The following BCCIP variants were observed in gnomAD, a reference collection of about 807,000 sequenced individuals.
BCCIP encodes the protein BRCA2 and CDKN1A-interacting protein.
In BCCIP, 23 loss-of-function variants were observed where a neutral mutation model predicts 32.8. The ratio of observed to expected loss-of-function variants is 0.70; its 90% CI spans 0.51 to 0.99. The LOEUF (loss-of-function observed/expected upper bound fraction) is 0.99, where lower values mean the gene tolerates loss of function less well. Ranked by LOEUF, BCCIP falls within the 50% of genes least tolerant of loss-of-function variation. The pLI is 0.00. For missense variants in BCCIP, 378 were observed against 379.8 expected (o/e 1.00, Z 0.04); for synonymous variants, 144 against 137.6 (o/e 1.05, Z -0.33).
chr10:125,828,965 T>C (rs1242029089), intron 3 of BCCIP, among the ~76,000 whole-genome samples: 2 of 152,204 alleles, frequency 1.3e-5, no homozygotes, highest in African/African-American at 2.4e-5. Context: ...TCGTCACACA[T>C]TGGTTTGCTT....
chr10:125,832,184 T>C (rs1214770201), intron 5 of BCCIP, among the ~76,000 whole-genome samples: 1 of 152,100 alleles, frequency 6.6e-6, no homozygotes, highest in East Asian at 1.9e-4. Flanking sequence ...GATTCTCTTA[T>C]TTATTTCTAT....
chr10:125,848,029 T>A (rs1944046672), intron 7 of BCCIP, among the ~76,000 whole-genome samples: 1 of 152,188 alleles, frequency 6.6e-6, no homozygotes. Context: ...CATTAATGTA[T>A]ATACACATTT....
intron 1 of BCCIP, 98 bp from the exon 2 acceptor site, chr10:125,826,493 T>C: frequency 2.6e-6 from 4 of 1,542,672 alleles, no homozygotes; most frequent in Non-Finnish European, 3.5e-6. Context: ...AGGTGCTTTG[T>C]ATTCTTCACA....
chr10:125,828,833 G>A (rs1854462861), intron 3 of BCCIP, among the ~76,000 whole-genome samples: 1 of 152,172 alleles, frequency 6.6e-6, no homozygotes, highest in South Asian at 2.1e-4. Context: ...GGCTTGACTA[G>A]GGGCTGGAGG....
At chr10:125,835,376 C>CG (rs1428646834) in intron 6 of BCCIP, among the ~76,000 whole-genome samples, 23 of 151,952 alleles carry the variant, frequency 1.5e-4, no homozygotes, top group Non-Finnish European at 2.8e-4. Context: ...GTCAGGAGAT[C>CG]AGACCATCCT....
downstream of BCCIP, chr10:125,839,267 C>T (rs907197323): frequency 1.2e-5 from 17 of 1,450,536 alleles, no homozygotes; most frequent in African/African-American, 1.4e-4. Context: ...CAGTTGCCAT[C>T]TTTAAGCCCT....
intron 5 of BCCIP, among the ~76,000 whole-genome samples, chr10:125,832,387 G>A (rs752447163): frequency 1.5e-4 from 23 of 152,132 alleles, no homozygotes; most frequent in Admixed American, 2.6e-4. Context: ...TAGCCCTTGC[G>A]TTGTGGTTTT....
chr10:125,852,721 T>C, intron 7 of BCCIP: 3 of 1,280,338 alleles, frequency 2.3e-6, no homozygotes, highest in Non-Finnish European at 3.3e-6. Flanking sequence ...GAGAATATGC[T>C]GCGCAGTACT....
chr10:125,842,675 A>C (rs1854914769), exon 7 of BCCIP: 1 of 248,500 alleles, frequency 4.0e-6, no homozygotes, highest in African/African-American at 2.3e-5. Context: ...GTAGAGAGGC[A>C]TGAAAAGCAG....
At chr10:125,831,226 T>G (rs997011550) in intron 4 of BCCIP, among the ~76,000 whole-genome samples, 194 bp from the exon 5 acceptor site, 4 of 152,226 alleles carry the variant, frequency 2.6e-5, no homozygotes, top group Non-Finnish European at 5.9e-5. Context: ...CCACTCATCA[T>G]GGGATGGTAA....
At chr10:125,827,667 T>C (rs1854431244) in intron 3 of BCCIP, 29 bp downstream of exon 3, 2 of 1,486,442 alleles carry the variant, frequency 1.3e-6, no homozygotes, top group Non-Finnish European at 9.4e-7. Context: ...TTTATTCTGA[T>C]TAAATGAGTT....
At chr10:125,841,513 T>C (rs1307720262), downstream of BCCIP, 3 of 1,437,274 alleles carry the variant, frequency 2.1e-6, no homozygotes, top group African/African-American at 2.9e-5. Context: ...ATACATCTGA[T>C]GTATAAATTT....
At chr10:125,829,368 C>G (rs888415720) in intron 3 of BCCIP, among the ~76,000 whole-genome samples, 1 of 152,186 alleles carries the variant, frequency 6.6e-6, no homozygotes, top group African/African-American at 2.4e-5. Flanking sequence ...AGCACCTGTT[C>G]CCTAGCCTGT....
intron 7 of BCCIP, among the ~76,000 whole-genome samples, chr10:125,847,899 C>T (rs1944043289): frequency 6.6e-6 from 1 of 152,158 alleles, no homozygotes; most frequent in Admixed American, 6.5e-5. Context: ...ACTGATCTGA[C>T]AGGAGGTGGA....
chr10:125,853,378 G>A (rs1048187640), exon 8 of BCCIP: 16 of 478,198 alleles, frequency 3.3e-5, no homozygotes, highest in East Asian at 3.2e-4. Flanking sequence ...AAGTCTCAGT[G>A]TCTTTCAGAG....
chr10:125,850,359 T>C (rs1252827943), intron 7 of BCCIP, among the ~76,000 whole-genome samples: 10 of 148,502 alleles, frequency 6.7e-5, no homozygotes, highest in South Asian at 4.2e-4. Context: ...TCTTTCTTTT[T>C]TTTTTTTTTT....
chr10:125,848,835 A>G (rs1364896089), intron 7 of BCCIP, among the ~76,000 whole-genome samples: 1 of 152,212 alleles, frequency 6.6e-6, no homozygotes, highest in Non-Finnish European at 1.5e-5. Flanking sequence ...TGCATATGTT[A>G]ACTAATTTAT....
intron 7 of BCCIP, chr10:125,853,009 T>C (rs1944111328): frequency 5.4e-6 from 4 of 745,164 alleles, no homozygotes; most frequent in African/African-American, 1.8e-5. Flanking sequence ...CTTTATAGTT[T>C]TGTTCAAATC....
downstream of BCCIP, among the ~76,000 whole-genome samples, chr10:125,847,394 C>T (rs1944035735): frequency 6.6e-6 from 1 of 152,156 alleles, no homozygotes; most frequent in Non-Finnish European, 1.5e-5. Flanking sequence ...TTAATATATC[C>T]ACTGCAACAT....
Sources: allele counts gnomAD v4.1 joint callset (sites outside exome capture counted in the v4.1 genomes callset), GRCh38; gene constraint gnomAD v4.1.1; transcripts MANE v1.5; gene names NCBI Gene and HGNC (gene_info 2026-07-23, HGNC 2026-07-21).